Variants in WDR5 observed in about 807,000 individuals in gnomAD.
WDR5 encodes WD repeat domain 5.
For synonymous variants in WDR5, 144 were observed against 161.6 expected (o/e 0.89, Z 0.83); for missense variants, 187 against 416.9 (o/e 0.45, Z 4.80).
intron 1 of WDR5, 40 bp downstream of exon 1, chr9:134,136,240 G>A (rs1831544338): frequency 1.3e-5 from 2 of 148,494 alleles, no homozygotes; most frequent in South Asian, 2.1e-4. Context: ...CACAAGGCGG[G>A]CAGCGGGGCG....
intron 7 of WDR5, among the ~76,000 whole-genome samples, chr9:134,145,996 A>C (rs1235467774): frequency 6.9e-6 from 1 of 144,682 alleles, no homozygotes; most frequent in East Asian, 2.0e-4. Flanking sequence ...ACAGAGTCTC[A>C]CTTTGTTGCC....
rs775415499 is a variant in WDR5 at position 134,154,482 on chromosome 9, C to T, written c.648C>T (p.Pro216=). ...LKTLIDDDNP[P]VSFVKFSPNG... ...TTATTGCAGATGACGACAACCCCCCCGTGTCTTTTGTGAAGTTCTCCCCGA... is the reference window on the plus strand; with the variant it reads ...TTATTGCAGATGACGACAACCCCCCTGTGTCTTTTGTGAAGTTCTCCCCGA... Residue 216 remains proline (P), a synonymous_variant, in exon 10 of 14, where the codon CCC becomes CCT. Coordinates refer to ENST00000358625, the MANE Select transcript of WDR5 (RefSeq NM_017588.3). The T allele has an allele frequency of 5.0e-6, 8 of 1,614,054 alleles. No homozygotes were observed. Among genetic ancestry groups the T allele is most frequent in the South Asian group, 3.3e-5 (3 of 91,082 alleles).
chr9:134,140,379 C>T (rs1831820580), intron 2 of WDR5, among the ~76,000 whole-genome samples: 1 of 151,852 alleles, frequency 6.6e-6, no homozygotes, highest in Non-Finnish European at 1.5e-5. Flanking sequence ...GCCTCCTGTG[C>T]TGTAGCAGGA....
intron 1 of WDR5, among the ~76,000 whole-genome samples, chr9:134,139,417 C>T (rs923669929): frequency 3.7e-4 from 57 of 152,188 alleles, no homozygotes; most frequent in African/African-American, 1.4e-3. Flanking sequence ...TTTCTACACC[C>T]TGAAGCTCAG....
chr9:134,138,370 G>A (rs1440214870), intron 1 of WDR5, among the ~76,000 whole-genome samples: 2 of 152,228 alleles, frequency 1.3e-5, no homozygotes, highest in African/African-American at 4.8e-5. Context: ...GACTGTTATA[G>A]TGGACTTTGC....
chr9:134,153,750 T>G (rs79163998), intron 9 of WDR5, among the ~76,000 whole-genome samples: 9,047 of 151,288 alleles, frequency 0.06, 510 homozygotes, highest in African/African-American at 0.15. Context: ...TGGGGGTCGG[T>G]GGGGGTCTCT....
intron 7 of WDR5, among the ~76,000 whole-genome samples, chr9:134,146,812 A>G (rs1243640916): frequency 2.0e-5 from 3 of 152,220 alleles, no homozygotes; most frequent in Non-Finnish European, 4.4e-5. Flanking sequence ...GTAGGGATGA[A>G]TGTGGTTAGA....
Position 134,137,683 on chromosome 9 carries a change from A to AAAC in WDR5, c.-59+1483_-59+1484insAAC, listed in dbSNP as rs1446204409. Among the ~76,000 whole-genome samples, 21 of 128,398 alleles carry AAAC rather than the reference A, an allele frequency of 1.6e-4. 1 individual carries two copies. The highest frequency in any genetic ancestry group is 3.1e-4 in the Non-Finnish European group (18 of 58,446). 84.2% of individuals were successfully genotyped at this position (128,398 alleles called of 152,430 possible). A position where few individuals can be genotyped will look rare whatever the true frequency, so the allele number is the denominator to read the frequency against. On this transcript the variant is annotated intron_variant, in intron 1 of 13. Transcript: ENST00000358625. ...ACTGTGTCTCAAAAAAAAAACAAAA[A>AAAC]CAAAAAAAAAACACGCCAAGCCTAG... is the stretch of plus-strand genomic sequence containing the variant.
At chr9:134,150,291 C>T (rs1168390532) in intron 8 of WDR5, among the ~76,000 whole-genome samples, 1 of 152,204 alleles carries the variant, frequency 6.6e-6, no homozygotes, top group Non-Finnish European at 1.5e-5. Flanking sequence ...ACGTAAACAT[C>T]AGGAAACCTA....
chr9:134,142,247 G>A (rs1469070286), intron 5 of WDR5, 86 bp from the exon 6 acceptor site: 54 of 1,437,962 alleles, frequency 3.8e-5, no homozygotes, highest in Non-Finnish European at 4.7e-5. Context: ...GGCATGCTTT[G>A]GGATGTCAGA....
Position 134,158,103 on chromosome 9 carries a change from G to A in WDR5, c.*110G>A, listed in dbSNP as rs1832833086. 5 of 944,222 alleles carry A rather than the reference G, an allele frequency of 5.3e-6. No individual in the cohort carries two copies. In the African/African-American group the frequency reaches 6.5e-5, roughly 12 times the overall value. The allele number at this position is 944,222 out of a possible 1,614,324, so 58.5% of individuals were successfully genotyped here. A position where few individuals can be genotyped will look rare whatever the true frequency, so the allele number is the denominator to read the frequency against. Reference sequence around the variant, plus strand: ...GATCTGCGCCTGGGGGTCAGGACAGGGCCTGATTTGAGCCTCCTCTCTGAA... The same window carrying A: ...GATCTGCGCCTGGGGGTCAGGACAGAGCCTGATTTGAGCCTCCTCTCTGAA... On this transcript the variant is annotated 3_prime_UTR_variant, in exon 14 of 14. Coordinates refer to ENST00000358625, the MANE Select transcript of WDR5 (RefSeq NM_017588.3).
At chr9:134,154,381 G>T in intron 9 of WDR5, 85 bp from the exon 10 acceptor site, 1 of 1,400,576 alleles carries the variant, frequency 7.1e-7, no homozygotes, top group Non-Finnish European at 1.0e-6. Flanking sequence ...GATGTCGCAC[G>T]TGGGGGATGG....
intron 8 of WDR5, 35 bp from the exon 9 acceptor site, chr9:134,151,948 T>G: frequency 6.2e-7 from 1 of 1,610,056 alleles, no homozygotes. Context: ...TCATAACTTG[T>G]CTGCTTACGC....
At chr9:134,150,252 A>T (rs1832423302) in intron 8 of WDR5, among the ~76,000 whole-genome samples, 1 of 152,258 alleles carries the variant, frequency 6.6e-6, no homozygotes, top group African/African-American at 2.4e-5. Context: ...CAAGGAATTC[A>T]TTCATTATTG....
intron 12 of WDR5, among the ~76,000 whole-genome samples, 186 bp from the exon 13 acceptor site, chr9:134,156,320 C>T (rs28605038): frequency 0.051 from 7,717 of 152,252 alleles, 204 homozygotes; most frequent in Middle Eastern, 0.085. Flanking sequence ...GCGGGGCTGT[C>T]CCCATTGGGA....
upstream of WDR5, chr9:134,136,046 CGGACACCGCCCCCT>C (rs1305648037): frequency 6.7e-6 from 1 of 150,040 alleles, no homozygotes; most frequent in Non-Finnish European, 1.5e-5. Flanking sequence ...CCCCGCCCCC[CGGACACCGCCCCCT>C]CCCCTCGCGC....
chr9:134,144,162 G>A (rs1014118807), intron 7 of WDR5, among the ~76,000 whole-genome samples: 3 of 152,256 alleles, frequency 2.0e-5, no homozygotes, highest in Admixed American at 6.5e-5. Flanking sequence ...GCGGGGCTGC[G>A]GGGTCTGAGC....
chr9:134,138,209 G>A (rs931247588), intron 1 of WDR5, among the ~76,000 whole-genome samples: 2 of 152,166 alleles, frequency 1.3e-5, no homozygotes, highest in Admixed American at 6.5e-5. Context: ...GTTTCCAGGC[G>A]TCTAGACTCA....
chr9:134,143,155 C>T (rs1831983618), intron 7 of WDR5, among the ~76,000 whole-genome samples: 1 of 152,080 alleles, frequency 6.6e-6, no homozygotes, highest in Non-Finnish European at 1.5e-5. Flanking sequence ...TGGCCCAGTC[C>T]TGGTGGGAAG....
Sources: gnomAD v4.1 joint callset for allele counts (sites outside exome capture counted in the v4.1 genomes callset) on GRCh38, gnomAD v4.1.1 for gene constraint, MANE v1.5 for transcripts, NCBI Gene and HGNC (gene_info 2026-07-23, HGNC 2026-07-21) for gene names.